Variants in ARHGAP31 observed in about 807,000 individuals in gnomAD.
ARHGAP31 encodes the protein Rho GTPase activating protein 31.
ARHGAP31 carries 34 observed loss-of-function variants against 113.9 expected under a neutral mutation model. That is an observed-to-expected ratio of 0.30 (90% CI 0.23 to 0.40). ARHGAP31 has a LOEUF of 0.40. Among genes scored for constraint, ARHGAP31 ranks in the 10% least tolerant of loss-of-function variants. The pLI is 1.00. For synonymous variants in ARHGAP31, 650 were observed against 684.8 expected (o/e 0.95, Z 0.79); for missense variants, 1,548 against 1,767.1 (o/e 0.88, Z 2.22).
chr3:119,390,681 G>GC, intron 6 of ARHGAP31, 104 bp from the exon 7 acceptor site: 1 of 1,283,250 alleles, frequency 7.8e-7, no homozygotes, highest in African/African-American at 1.5e-5. Flanking sequence ...GTGGCACTCA[G>GC]CCCCCATCAT....
Position 119,380,901 on chromosome 3 carries a change from C to CA in ARHGAP31, c.349-2dup. 1 of 1,614,000 alleles carries CA rather than the reference C, an allele frequency of 6.2e-7. No homozygotes were observed. The highest frequency in any genetic ancestry group is 8.5e-7 in the Non-Finnish European group (1 of 1,179,880). On this transcript the variant is annotated splice_polypyrimidine_tract_variant and splice_region_variant and intron_variant, in intron 3 of 11. Transcript: ENST00000264245. ...CCAGGCTGCCTTGTGTTCTTCTCCACAGGAGGCAGTGTCGCATTGCCCTGA... is the reference window on the plus strand; with the variant it reads ...CCAGGCTGCCTTGTGTTCTTCTCCACAAGGAGGCAGTGTCGCATTGCCCTGA...
chr3:119,364,913 C>A lies in ARHGAP31; in HGVS notation c.101-403C>A, dbSNP rs1030491107. Among the ~76,000 whole-genome samples, 6 of 152,174 alleles carry A rather than the reference C, an allele frequency of 3.9e-5. No individual in the cohort carries two copies. In the South Asian group the frequency reaches 1.2e-3, roughly 32 times the overall value. The stretch of plus-strand genomic sequence containing the variant: ...TTGGAGACCAGCCTGGTCAACATGG[C>A]GAAACCCAGTTCTCTAATAAAAACA... On this transcript the variant is annotated intron_variant, in intron 1 of 11. Coordinates refer to ENST00000264245, the MANE Select transcript of ARHGAP31 (RefSeq NM_020754.4).
chr3:119,317,883 C>T (rs1220004004), intron 1 of ARHGAP31, among the ~76,000 whole-genome samples: 2 of 152,092 alleles, frequency 1.3e-5, no homozygotes, highest in East Asian at 3.9e-4. Context: ...AAAATATTTG[C>T]TTTGATAGGC....
intron 11 of ARHGAP31, among the ~76,000 whole-genome samples, chr3:119,412,795 G>A (rs1238390018): frequency 6.6e-6 from 1 of 152,072 alleles, no homozygotes; most frequent in Non-Finnish European, 1.5e-5. Context: ...AGGCCTAGGT[G>A]GGAAAATTAC....
chr3:119,407,088 G>A (rs980616866), intron 10 of ARHGAP31, among the ~76,000 whole-genome samples: 4 of 152,142 alleles, frequency 2.6e-5, no homozygotes, highest in Non-Finnish European at 4.4e-5. Flanking sequence ...GCTCACATCT[G>A]TAATCCCAGC....
Position 119,414,287 on chromosome 3 carries a change from C to G in ARHGAP31, c.2358C>G (p.Pro786=). The G allele has an allele frequency of 6.2e-7, 1 of 1,614,206 alleles. No homozygotes were observed. The highest frequency in any genetic ancestry group is 8.5e-7 in the Non-Finnish European group (1 of 1,180,034). The change falls in exon 12 of 12, where the codon CCC becomes CCG. Residue 786 remains proline, a synonymous_variant. Transcript: ENST00000264245. ...NLSPPLPPAP[P]PPTPLEESTP... is the part of the protein sequence containing the mutation. ...CTCCTCCACTCCCACCTGCTCCTCC[C>G]CCTCCAACTCCTCTGGAGGAGTCAA... is the stretch of plus-strand genomic sequence containing the variant.
At chr3:119,405,009 G>A (rs1232503006) in intron 10 of ARHGAP31, among the ~76,000 whole-genome samples, 3 of 152,158 alleles carry the variant, frequency 2.0e-5, no homozygotes, top group Admixed American at 2.0e-4. Flanking sequence ...TGTTAAGGAA[G>A]ATCAGAATAA....
At chr3:119,371,263 C>T (rs1577016248) in intron 3 of ARHGAP31, among the ~76,000 whole-genome samples, 1 of 152,226 alleles carries the variant, frequency 6.6e-6, no homozygotes, top group South Asian at 2.1e-4. Flanking sequence ...CTCCTTAGCC[C>T]TTGTCTACAG....
intron 1 of ARHGAP31, among the ~76,000 whole-genome samples, chr3:119,354,492 G>GTGTGTGTT (rs1247465785): frequency 9.9e-5 from 15 of 151,686 alleles, no homozygotes; most frequent in Admixed American, 9.9e-4. Context: ...GTGTGTGTGT[G>GTGTGTGTT]TGTGTGTGTG....
intron 1 of ARHGAP31, among the ~76,000 whole-genome samples, chr3:119,359,121 G>A (rs1036465820): frequency 2.6e-5 from 4 of 151,624 alleles, no homozygotes; most frequent in East Asian, 3.9e-4. Flanking sequence ...AGGTTCAAGC[G>A]ATTCTCCTGC....
intron 1 of ARHGAP31, among the ~76,000 whole-genome samples, chr3:119,346,323 A>T (rs79505189): frequency 0.022 from 3,418 of 152,338 alleles, 133 homozygotes; most frequent in African/African-American, 0.079. Context: ...GCTGAGGATC[A>T]GCTACTCGCT....
rs1293563816 is a variant in ARHGAP31, at chr3:119,415,097, G to A, written c.3168G>A (p.Gln1056=). 1 of 1,614,230 alleles carries A rather than the reference G, an allele frequency of 6.2e-7. No individual in the cohort carries two copies. Among genetic ancestry groups the A allele is most frequent in the South Asian group, 1.1e-5 (1 of 91,086 alleles). The change falls in exon 12 of 12, where the codon CAG becomes CAA. Residue 1056 remains glutamine (Q), a synonymous_variant. Transcript: ENST00000264245. ...CACACCTGGGGCACAGCAGTCCACAGATTAGGCAAGGTGGTGTTCCTGGGC... is the reference window on the plus strand; with the variant it reads ...CACACCTGGGGCACAGCAGTCCACAAATTAGGCAAGGTGGTGTTCCTGGGC... ...LGTHLGHSSP[Q]IRQGGVPGPE... is the part of the protein sequence containing the mutation.
At chr3:119,333,000 G>C (rs1440806581) in intron 1 of ARHGAP31, among the ~76,000 whole-genome samples, 1 of 152,166 alleles carries the variant, frequency 6.6e-6, no homozygotes, top group African/African-American at 2.4e-5. Flanking sequence ...GCTCAGCGAG[G>C]CTAAATAACT....
At chr3:119,309,876 G>A (rs1268289387) in intron 1 of ARHGAP31, among the ~76,000 whole-genome samples, 2 of 151,918 alleles carry the variant, frequency 1.3e-5, no homozygotes, top group African/African-American at 4.8e-5. Flanking sequence ...ACCATTTAGC[G>A]AGAGCACTTT....
chr3:119,380,981 C>T lies in ARHGAP31; in HGVS notation c.426C>T (p.His142=). The T allele has an allele frequency of 1.2e-6, 2 of 1,613,998 alleles. No homozygotes were observed. The highest frequency in any genetic ancestry group is 8.5e-7 in the Non-Finnish European group (1 of 1,179,864). ...QNVIQELPPS[H]YRTLEYLIRH... ...TTATCCAGGAGCTTCCTCCATCCCACTATAGGTAAGAATGGTTGGGAAAAG... is the reference window on the plus strand; with the variant it reads ...TTATCCAGGAGCTTCCTCCATCCCATTATAGGTAAGAATGGTTGGGAAAAG... Residue 142 remains histidine, a synonymous_variant, in exon 4 of 12, where the codon CAC becomes CAT. Coordinates refer to ENST00000264245, the MANE Select transcript of ARHGAP31 (RefSeq NM_020754.4).
At position 119,390,877 on chromosome 3, in the gene ARHGAP31, G is replaced by A. The variant is rs1337411598; in HGVS notation, c.775G>A (p.Ala259Thr). The change falls in exon 7 of 12, where the codon GCC becomes ACC. Residue 259 changes from alanine to threonine, a missense_variant. Ala to Thr is a moderately conservative substitution (Grantham distance 58). Coordinates refer to ENST00000264245, the MANE Select transcript of ARHGAP31 (RefSeq NM_020754.4). ...TGAGGAAGCTCAAGCCCGCAGCCTGGCCACTAACCATCCTGCTCGCAAGGA... is the reference window on the plus strand; with the variant it reads ...TGAGGAAGCTCAAGCCCGCAGCCTGACCACTAACCATCCTGCTCGCAAGGA... ...SLEEAQARSL[A>T]TNHPARKERR... 1 of 1,614,058 alleles carries A rather than the reference G, an allele frequency of 6.2e-7. No individual in the cohort carries two copies. The highest frequency in any genetic ancestry group is 1.7e-5 in the Admixed American group (1 of 60,022).
In ARHGAP31 at chr3:119,370,808, A is replaced by G. The variant is rs547684096; in HGVS notation, c.348+2292A>G. ...GTTCCTTTTATAAACATTATAATAC[A>G]CATTTTTTCACCTATATTTTTACAC... On this transcript the variant is annotated intron_variant, in intron 3 of 11. Transcript: ENST00000264245. Among the ~76,000 whole-genome samples the G allele has an allele frequency of 7.2e-5, 11 of 152,294 alleles. No individual in the cohort carries two copies. The East Asian group carries it at 2.1e-3, about 29-fold the overall frequency.
At chr3:119,373,820 A>C (rs2080324125) in intron 3 of ARHGAP31, among the ~76,000 whole-genome samples, 1 of 152,196 alleles carries the variant, frequency 6.6e-6, no homozygotes, top group African/African-American at 2.4e-5. Context: ...GACGTCCCCG[A>C]AAGTCATATG....
At chr3:119,379,024 A>G (rs1021918854) in intron 3 of ARHGAP31, among the ~76,000 whole-genome samples, 1 of 152,208 alleles carries the variant, frequency 6.6e-6, no homozygotes, top group Non-Finnish European at 1.5e-5. Context: ...AGATTCCCAC[A>G]TAGAGAAGTT....
Sources: gnomAD v4.1 joint callset for allele counts (sites outside exome capture counted in the v4.1 genomes callset) on GRCh38, gnomAD v4.1.1 for gene constraint, MANE v1.5 for transcripts, NCBI Gene and HGNC (gene_info 2026-07-23, HGNC 2026-07-21) for gene names.